ANXA8: variants seen among roughly 807,000 people sequenced by gnomAD.
ANXA8 encodes the protein VAC-beta.
In ANXA8, 9 loss-of-function variants were observed where a neutral mutation model predicts 26.8. The ratio of observed to expected loss-of-function variants is 0.34; its 90% confidence interval spans 0.20 to 0.59. The LOEUF is 0.59. Ranked by LOEUF, ANXA8 falls within the 20% of genes least tolerant of loss-of-function variation. ANXA8 has a pLI of 0.84. For synonymous variants in ANXA8, 39 were observed against 94.8 expected (o/e 0.41, Z 3.42); for missense variants, 83 against 238.5 (o/e 0.35, Z 4.29).
the ANXA8 span, chr10:47,502,877 C>A: frequency 6.2e-7 from 1 of 1,604,682 alleles, no homozygotes; most frequent in African/African-American, 1.4e-5. Flanking sequence ...CACGTTTGGC[C>A]AGTGGCAGAC....
At chr10:47,569,762 T>TGTTTTG in the ANXA8 span, 15 of 112,810 alleles carry the variant, frequency 1.3e-4, no homozygotes, top group African/African-American at 2.0e-3. Context: ...TTTTTTTTTT[T>TGTTTTG]TTTTTTGAGA....
At chr10:47,967,996 C>A in the ANXA8 span, among the ~76,000 whole-genome samples, 2 of 151,118 alleles carry the variant, frequency 1.3e-5, no homozygotes, top group African/African-American at 4.8e-5. Flanking sequence ...ATATTAAAAC[C>A]CTTAGCTGGA....
At chr10:47,686,516 G>C in the ANXA8 span, among the ~76,000 whole-genome samples, 5 of 151,842 alleles carry the variant, frequency 3.3e-5, no homozygotes, top group Admixed American at 3.3e-4. Flanking sequence ...CTGGCCTCCT[G>C]TCACTTTTTA....
chr10:47,546,593 A>C, the ANXA8 span, among the ~76,000 whole-genome samples: 1 of 137,502 alleles, frequency 7.3e-6, no homozygotes, highest in Non-Finnish European at 1.6e-5. Flanking sequence ...TTTTTAGTAG[A>C]GACGGGGTTT....
chr10:47,615,750 T>C, the ANXA8 span, among the ~76,000 whole-genome samples: 1 of 74,394 alleles, frequency 1.3e-5, no homozygotes, highest in African/African-American at 3.9e-5. Flanking sequence ...ATTTACATTG[T>C]TTACTATGAG....
the ANXA8 span, among the ~76,000 whole-genome samples, chr10:47,681,047 A>G: frequency 2.7e-5 from 4 of 150,914 alleles, no homozygotes; most frequent in East Asian, 7.8e-4. Context: ...TCCCTCCACT[A>G]CCTGCAGTCT....
the ANXA8 span, among the ~76,000 whole-genome samples, chr10:47,969,182 C>T: frequency 6.6e-6 from 1 of 151,266 alleles, no homozygotes; most frequent in Non-Finnish European, 1.5e-5. Flanking sequence ...GCTGGTCCTG[C>T]TCACTGAAGC....
the ANXA8 span, among the ~76,000 whole-genome samples, chr10:47,733,147 TTCTTTC>T: frequency 1.2e-3 from 61 of 51,646 alleles, no homozygotes; most frequent in African/African-American, 3.3e-3. Flanking sequence ...TCCCTAATCT[TTCTTTC>T]TTTCTTTCTT....
chr10:47,971,299 TG>T, the ANXA8 span, among the ~76,000 whole-genome samples: 1 of 151,262 alleles, frequency 6.6e-6, no homozygotes, highest in Non-Finnish European at 1.5e-5. Context: ...TCTCCTTTCT[TG>T]TATCAGTGAA....
At chr10:47,625,222 AT>A in the ANXA8 span, among the ~76,000 whole-genome samples, 2 of 2,832 alleles carry the variant, frequency 7.1e-4, no homozygotes, top group East Asian at 3.2e-3. Context: ...TCCTCTCTGC[AT>A]TTTTTTTTTT....
At chr10:47,743,668 A>G in the ANXA8 span, among the ~76,000 whole-genome samples, 15 of 147,618 alleles carry the variant, frequency 1.0e-4, no homozygotes, top group African/African-American at 3.8e-4. Context: ...GATGCTGAAC[A>G]GTAGAGGGCG....
chr10:47,974,983 G>T, the ANXA8 span, among the ~76,000 whole-genome samples: 1 of 149,794 alleles, frequency 6.7e-6, no homozygotes, highest in African/African-American at 2.4e-5. Context: ...TGTGCTATTA[G>T]ATAAGGGCCA....
the ANXA8 span, among the ~76,000 whole-genome samples, chr10:47,514,139 TA>T: frequency 1.4e-5 from 2 of 142,760 alleles, no homozygotes; most frequent in Non-Finnish European, 3.0e-5. Context: ...GACAAAGGGC[TA>T]TTATCCAGAA....
chr10:47,484,081 C>T lies in ANXA8; in HGVS notation c.-148G>A, dbSNP rs35229314. On this transcript the variant is annotated 5_prime_UTR_variant, in exon 1 of 12. Coordinates refer to ENST00000585281, the MANE Select transcript of ANXA8 (RefSeq NM_001040084.3). ...GGTGCAAGCCCGCCCAGGGCAGCGC[C>T]ACACCTGCCTGCCGTCCCCTCGCCC... The T allele has an allele frequency of 1.3e-4, 200 of 1,598,516 alleles. 2 individuals are homozygous for T. The highest frequency in any genetic ancestry group is 4.0e-4 in the African/African-American group (30 of 74,228).
chr10:47,555,331 G>C, the ANXA8 span, among the ~76,000 whole-genome samples: 1 of 151,160 alleles, frequency 6.6e-6, no homozygotes, highest in East Asian at 2.0e-4. Context: ...CCATGGCTGG[G>C]TTCCTCTGAT....
chr10:47,947,948 G>T, the ANXA8 span, among the ~76,000 whole-genome samples: 1 of 150,928 alleles, frequency 6.6e-6, no homozygotes, highest in Admixed American at 6.6e-5. Context: ...TGTGGGACAT[G>T]GGGGGGACCC....
chr10:47,936,971 A>G, the ANXA8 span, among the ~76,000 whole-genome samples: 11 of 149,982 alleles, frequency 7.3e-5, no homozygotes, highest in Admixed American at 2.7e-4. Context: ...CTTTTGCTTC[A>G]GCTTGCTAAA....
At chr10:47,483,733 C>T (rs1839939293) in intron 1 of ANXA8, among the ~76,000 whole-genome samples, 180 bp downstream of exon 1, 2 of 147,632 alleles carry the variant, frequency 1.4e-5, no homozygotes, top group Admixed American at 1.3e-4. Flanking sequence ...GCCGTGGGCA[C>T]TCTAGGCCTG....
the ANXA8 span, among the ~76,000 whole-genome samples, chr10:47,668,676 C>G: frequency 7.8e-4 from 117 of 150,836 alleles, 1 homozygote; most frequent in Middle Eastern, 0.01. Flanking sequence ...TTTTTTTCTT[C>G]CCACAGTTGT....
Sources: allele counts gnomAD v4.1 joint callset (sites outside exome capture counted in the v4.1 genomes callset), GRCh38; gene constraint gnomAD v4.1.1; transcripts MANE v1.5; gene names NCBI Gene and HGNC (gene_info 2026-07-23, HGNC 2026-07-21).